Variants in VWA3B observed in about 807,000 individuals in gnomAD.
The protein encoded by VWA3B is von Willebrand factor A domain containing 3B, also known as von Willebrand factor A domain-containing protein 3B.
VWA3B carries 138 observed loss-of-function variants against 158.3 expected under a neutral mutation model. The ratio of observed to expected loss-of-function variants is 0.87; its 90% CI spans 0.76 to 1.00. The LOEUF (loss-of-function observed/expected upper bound fraction) is 1.00. Among genes scored for constraint, VWA3B ranks in the 50% least tolerant of loss-of-function variants. VWA3B has a pLI of 0.00. For missense variants in VWA3B, 1,555 were observed against 1,565.1 expected (o/e 0.99, Z 0.11); for synonymous variants, 596 against 587.3 (o/e 1.01, Z -0.21).
At position 98,162,631 on chromosome 2, in the gene VWA3B, T is replaced by G. The variant is rs143253588; in HGVS notation, c.989-220T>G. Among the ~76,000 whole-genome samples, 370 of 152,350 alleles carry G rather than the reference T, an allele frequency of 2.4e-3. 3 individuals are homozygous for G. Among genetic ancestry groups the G allele is most frequent in the African/African-American group, 8.2e-3 (340 of 41,576 alleles). The stretch of plus-strand genomic sequence containing the variant: ...GCTACAAACATTTACTTTAGAAGGA[T>G]TTATTGTATCCTAAAGTCTGCATTT... On this transcript the variant is annotated intron_variant, in intron 7 of 27. Coordinates refer to ENST00000477737, the MANE Select transcript of VWA3B (RefSeq NM_144992.5).
chr2:98,209,115 G>A (rs1683274546), intron 12 of VWA3B, among the ~76,000 whole-genome samples: 1 of 152,008 alleles, frequency 6.6e-6, no homozygotes, highest in Non-Finnish European at 1.5e-5. Flanking sequence ...TATAGGTAAC[G>A]TGTTATTTCT....
intron 13 of VWA3B, among the ~76,000 whole-genome samples, 181 bp from the exon 14 acceptor site, chr2:98,217,665 A>C (rs114921331): frequency 0.03 from 4,613 of 152,214 alleles, 102 homozygotes; most frequent in South Asian, 0.063. Context: ...TTGTACTCTC[A>C]CCATCTGGCA....
chr2:98,277,024 C>T (rs1364284150), intron 22 of VWA3B, among the ~76,000 whole-genome samples: 3 of 151,988 alleles, frequency 2.0e-5, no homozygotes, highest in African/African-American at 4.8e-5. Context: ...CCAGCTTCCA[C>T]GGGCAGTTCC....
chr2:98,171,681 GA>G (rs915187106), intron 8 of VWA3B, among the ~76,000 whole-genome samples: 6 of 148,040 alleles, frequency 4.1e-5, no homozygotes, highest in South Asian at 2.2e-4. Flanking sequence ...TTTACATTTA[GA>G]AAAAAAAAAG....
chr2:98,246,820 C>G (rs530526498), intron 19 of VWA3B, among the ~76,000 whole-genome samples: 1 of 152,194 alleles, frequency 6.6e-6, no homozygotes, highest in East Asian at 1.9e-4. Flanking sequence ...TTTTATCTAT[C>G]TTGATTTATT....
chr2:98,202,134 C>G (rs1257460518), intron 12 of VWA3B, among the ~76,000 whole-genome samples: 1 of 152,122 alleles, frequency 6.6e-6, no homozygotes, highest in Non-Finnish European at 1.5e-5. Context: ...ATGAAACCAT[C>G]TGGGCCTCTT....
chr2:98,152,070 G>A (rs1363909158), intron 7 of VWA3B, among the ~76,000 whole-genome samples: 1 of 152,210 alleles, frequency 6.6e-6, no homozygotes, highest in Non-Finnish European at 1.5e-5. Context: ...TTGTTCTTAT[G>A]GGAAATGAGT....
At chr2:98,203,102 A>T (rs1682713866) in intron 12 of VWA3B, among the ~76,000 whole-genome samples, 1 of 152,196 alleles carries the variant, frequency 6.6e-6, no homozygotes, top group South Asian at 2.1e-4. Flanking sequence ...AAGTGCTGGG[A>T]TTACAGGCGT....
At chr2:98,175,905 C>T (rs1679973545) in intron 8 of VWA3B, among the ~76,000 whole-genome samples, 1 of 152,200 alleles carries the variant, frequency 6.6e-6, no homozygotes, top group Non-Finnish European at 1.5e-5. Context: ...GGCTCCCCTG[C>T]AGTGCCAGGC....
intron 2 of VWA3B, among the ~76,000 whole-genome samples, chr2:98,106,229 T>A (rs1199330949): frequency 5.3e-5 from 8 of 152,208 alleles, no homozygotes; most frequent in Admixed American, 5.2e-4. Context: ...GTTCTCTATT[T>A]GTTCTATTCA....
chr2:98,276,103 C>T (rs1017337681), intron 22 of VWA3B, among the ~76,000 whole-genome samples: 9 of 152,162 alleles, frequency 5.9e-5, no homozygotes, highest in Admixed American at 3.9e-4. Flanking sequence ...GCCGATGTTC[C>T]AGCATAGATG....
At chr2:98,311,713 G>C in intron 26 of VWA3B, 106 bp from the exon 27 acceptor site, 1 of 1,310,654 alleles carries the variant, frequency 7.6e-7, no homozygotes, top group African/African-American at 1.5e-5. Flanking sequence ...CATGGGAAGA[G>C]GGACGTGGGC....
intron 4 of VWA3B, 43 bp downstream of exon 4, chr2:98,119,806 G>T (rs749171189): frequency 3.7e-6 from 6 of 1,605,470 alleles, no homozygotes; most frequent in Non-Finnish European, 4.3e-6. Flanking sequence ...AAAGTTCATA[G>T]TAATTTGTAC....
intron 14 of VWA3B, among the ~76,000 whole-genome samples, chr2:98,224,549 C>T (rs556305975): frequency 2.0e-5 from 3 of 151,324 alleles, no homozygotes; most frequent in Non-Finnish European, 4.4e-5. Context: ...CAAAGGGCTA[C>T]GTTCAAAAAC....
intron 23 of VWA3B, chr2:98,291,004 G>GGA (rs1248969341): frequency 1.1e-5 from 2 of 186,406 alleles, no homozygotes; most frequent in African/African-American, 4.8e-5. Flanking sequence ...GAAATAAACA[G>GGA]ATAAAATATG....
At chr2:98,311,704 A>G in intron 26 of VWA3B, 115 bp from the exon 27 acceptor site, 3 of 1,255,676 alleles carry the variant, frequency 2.4e-6, no homozygotes, top group Non-Finnish European at 3.3e-6. Context: ...ACTCCTTTCC[A>G]TGGGAAGAGG....
chr2:98,246,747 T>A (rs569194988), intron 19 of VWA3B, among the ~76,000 whole-genome samples: 2 of 152,164 alleles, frequency 1.3e-5, no homozygotes, highest in Non-Finnish European at 2.9e-5. Flanking sequence ...TTTATAGAAA[T>A]GGTATTACAC....
chr2:98,323,472 T>C, the VWA3B span, among the ~76,000 whole-genome samples: 1 of 151,514 alleles, frequency 6.6e-6, no homozygotes, highest in Non-Finnish European at 1.5e-5. Flanking sequence ...TATGTATAAT[T>C]GGAGACCTAG....
chr2:98,136,129 A>G (rs1223198832), intron 7 of VWA3B, among the ~76,000 whole-genome samples: 1 of 152,228 alleles, frequency 6.6e-6, no homozygotes, highest in African/African-American at 2.4e-5. Flanking sequence ...GATACCAGAT[A>G]ATAGGCTTTC....
Sources: allele counts gnomAD v4.1 joint callset (sites outside exome capture counted in the v4.1 genomes callset), GRCh38; gene constraint gnomAD v4.1.1; transcripts MANE v1.5; gene names NCBI Gene and HGNC (gene_info 2026-07-23, HGNC 2026-07-21).